The following XPO7 variants were observed in gnomAD, a reference collection of about 807,000 sequenced individuals.
The protein encoded by XPO7 is exportin-7.
Under a neutral mutation model 144.3 loss-of-function variants are expected in XPO7, and 21 were observed. The ratio of observed to expected loss-of-function variants is 0.15; its 90% CI spans 0.10 to 0.21. The LOEUF (loss-of-function observed/expected upper bound fraction) is 0.21, where lower values mean the gene tolerates loss of function less well. Ranked by LOEUF, XPO7 falls within the 10% of genes least tolerant of loss-of-function variation. The pLI, the probability that XPO7 is intolerant of heterozygous loss-of-function variation, is 1.00. For missense variants in XPO7, 808 were observed against 1,325.8 expected (o/e 0.61, Z 6.06); for synonymous variants, 580 against 499.6 (o/e 1.16, Z -2.15).
chr8:21,938,757 A>T (rs541661606), intron 1 of XPO7, among the ~76,000 whole-genome samples: 2 of 152,274 alleles, frequency 1.3e-5, no homozygotes, highest in African/African-American at 4.8e-5. Context: ...TTTAACAGTC[A>T]TAAGAATGAA....
In XPO7 at chr8:21,990,324, CCTT is replaced by C. The variant is rs1357177565; in HGVS notation, c.1869-15_1869-13del. The C allele has an allele frequency of 2.5e-6, 4 of 1,612,566 alleles. No individual in the cohort carries two copies. Among genetic ancestry groups the C allele is most frequent in the Non-Finnish European group, 2.5e-6 (3 of 1,178,724 alleles). ...TCGGCCTGCTTCACACTTTCCTTGA[CCTT>C]CTTCCTTTGTCTTCACGTACAGTAG... On this transcript the variant is annotated splice_polypyrimidine_tract_variant and intron_variant, in intron 16 of 27. Coordinates refer to ENST00000252512, the MANE Select transcript of XPO7 (RefSeq NM_015024.5).
Position 21,919,738 on chromosome 8 carries a change from G to A in XPO7, c.-33G>A, listed in dbSNP as rs1319333936. On this transcript the variant is annotated 5_prime_UTR_variant, in exon 1 of 28. Coordinates refer to ENST00000252512, the MANE Select transcript of XPO7 (RefSeq NM_015024.5). ...CGGCCGAGGTGCGCGCTGGGGGGGA[G>A]GGGGGGCCGGAGAGGAGCATGAATG... is the stretch of plus-strand genomic sequence containing the variant. 4 of 404,462 alleles carry A rather than the reference G, an allele frequency of 9.9e-6. No individual in the cohort carries two copies. The highest frequency in any genetic ancestry group is 1.1e-5 in the Non-Finnish European group (3 of 276,616). 25.1% of individuals were successfully genotyped at this position (404,462 alleles called of 1,614,324 possible).
At chr8:21,956,734 C>CTT (rs1221638524) in intron 1 of XPO7, among the ~76,000 whole-genome samples, 17 of 143,788 alleles carry the variant, frequency 1.2e-4, no homozygotes, top group African/African-American at 4.1e-4. Flanking sequence ...CTTTGAATGT[C>CTT]TTTTTTTTTT....
intron 1 of XPO7, among the ~76,000 whole-genome samples, chr8:21,931,075 C>T (rs1048858315): frequency 8.5e-5 from 13 of 152,152 alleles, no homozygotes; most frequent in African/African-American, 2.6e-4. Context: ...AACTCCTGAC[C>T]TCAAGTGATC....
At chr8:21,973,998 G>A (rs1812146301) in intron 5 of XPO7, among the ~76,000 whole-genome samples, 2 of 152,092 alleles carry the variant, frequency 1.3e-5, no homozygotes, top group African/African-American at 4.8e-5. Flanking sequence ...AGTAACTTCA[G>A]CGTTGAGGGT....
intron 24 of XPO7, among the ~76,000 whole-genome samples, chr8:22,001,255 G>A (rs936021507): frequency 2.6e-5 from 4 of 151,304 alleles, no homozygotes; most frequent in Admixed American, 1.3e-4. Flanking sequence ...GTGGTGAGCC[G>A]AGATCGTGCC....
chr8:21,970,014 A>T, intron 3 of XPO7, 130 bp from the exon 4 acceptor site: 2 of 1,035,600 alleles, frequency 1.9e-6, no homozygotes, highest in Non-Finnish European at 2.8e-6. Context: ...ATAAATAATT[A>T]AGACAGTTTG....
At chr8:21,990,051 G>A (rs964628625) in intron 16 of XPO7, among the ~76,000 whole-genome samples, 7 of 151,330 alleles carry the variant, frequency 4.6e-5, no homozygotes, top group African/African-American at 9.7e-5. Flanking sequence ...GGGTTTCACC[G>A]TGTTAGCCAG....
In XPO7 at chr8:21,972,037, G is replaced by A. The variant is rs1025823884; in HGVS notation, c.492+96G>A. ...TGTGGGATGATCTTTTTTGGCAGTT[G>A]TGTGCTTTTGCGGTAAGTGATTAAT... On this transcript the variant is annotated intron_variant, in intron 5 of 27. Transcript: ENST00000252512. 3.7e-5 allele frequency: 46 copies of A among 1,229,164 alleles called. No homozygotes were observed. The African/African-American group carries it at 6.7e-4, about 18-fold the overall frequency. The allele number at this position is 1,229,164 out of a possible 1,614,324, so 76.1% of individuals were successfully genotyped here. A position where few individuals can be genotyped will look rare whatever the true frequency, so the allele number is the denominator to read the frequency against.
At chr8:21,990,618 C>T in intron 17 of XPO7, 193 bp from the exon 18 acceptor site, 1 of 703,642 alleles carries the variant, frequency 1.4e-6, no homozygotes, top group Non-Finnish European at 2.4e-6. Context: ...TCACCTACTG[C>T]TACTCATACT....
chr8:21,952,265 C>G (rs1811398365), intron 1 of XPO7, among the ~76,000 whole-genome samples: 1 of 151,224 alleles, frequency 6.6e-6, no homozygotes, highest in African/African-American at 2.4e-5. Flanking sequence ...AGCAACAAAT[C>G]TACAATTTAG....
rs1348527390 is a variant in XPO7 at position 21,984,965 on chromosome 8, TGCACAA to T, written c.1471+128_1471+133del. On this transcript the variant is annotated intron_variant, in intron 12 of 27. Transcript: ENST00000252512. ...TCTTTCATCATCTGTTGTCTCCATA[TGCACAA>T]GAATCTTTATGAATGAATAAATCCC... 3 of 990,570 alleles carry T rather than the reference TGCACAA, an allele frequency of 3.0e-6. No homozygotes were observed. The East Asian group carries it at 7.8e-5, about 26-fold the overall frequency. The allele number at this position is 990,570 out of a possible 1,614,324, so 61.4% of individuals were successfully genotyped here.
intron 1 of XPO7, among the ~76,000 whole-genome samples, chr8:21,934,106 A>T (rs1475402506): frequency 6.6e-6 from 1 of 152,228 alleles, no homozygotes; most frequent in Admixed American, 6.5e-5. Flanking sequence ...CAAAATAGGC[A>T]TGTCCTTGCT....
At chr8:21,992,706 G>A (rs1289560598) in intron 19 of XPO7, among the ~76,000 whole-genome samples, 2 of 152,266 alleles carry the variant, frequency 1.3e-5, no homozygotes, top group East Asian at 3.9e-4. Flanking sequence ...GAGACACGAT[G>A]CCCAGTGAAT....
Position 21,999,692 on chromosome 8 carries a change from G to A in XPO7, c.2782+18G>A. ...TGCACTTGGTAAGCACCTGAGGTGG[G>A]TGGGTGAGTTGGTGGGTTTGTTTTT... is the stretch of plus-strand genomic sequence containing the variant. On this transcript the variant is annotated intron_variant, in intron 24 of 27. Transcript: ENST00000252512. The A allele has an allele frequency of 6.2e-7, 1 of 1,613,720 alleles. No individual in the cohort carries two copies. Among genetic ancestry groups the A allele is most frequent in the Non-Finnish European group, 8.5e-7 (1 of 1,179,676 alleles).
intron 1 of XPO7, among the ~76,000 whole-genome samples, chr8:21,945,206 C>T (rs1246471960): frequency 6.6e-6 from 1 of 152,208 alleles, no homozygotes; most frequent in Admixed American, 6.5e-5. Context: ...CCCCCCACCT[C>T]CCAGACGGGG....
At chr8:21,992,765 G>A (rs1413717079) in intron 19 of XPO7, among the ~76,000 whole-genome samples, 1 of 152,140 alleles carries the variant, frequency 6.6e-6, no homozygotes, top group Non-Finnish European at 1.5e-5. Context: ...TCTTAGAATT[G>A]TCATTTCTTG....
Position 21,998,790 on chromosome 8 carries a change from A to G in XPO7, c.2381A>G (p.Asn794Ser), listed in dbSNP as rs1472939237. Reference sequence around the variant, plus strand: ...CTCCAGTTTGATGTCTCTTCCCCCAATGGCATCTTACTCTTCCGAGAAACC... The same window carrying G: ...CTCCAGTTTGATGTCTCTTCCCCCAGTGGCATCTTACTCTTCCGAGAAACC... Reference protein sequence around the residue: ...QRLQFDVSSPNGILLFRETSK... With the variant: ...QRLQFDVSSPSGILLFRETSK... Residue 794 changes from asparagine to serine, a missense_variant, in exon 22 of 28, where the codon AAT becomes AGT. Physicochemically the swap from Asn to Ser is conservative, Grantham distance 46. Coordinates refer to ENST00000252512, the MANE Select transcript of XPO7 (RefSeq NM_015024.5). 1.1e-5 allele frequency: 18 copies of G among 1,613,760 alleles called. No individual in the cohort carries two copies. Among genetic ancestry groups the G allele is most frequent in the African/African-American group, 2.7e-5 (2 of 74,886 alleles).
chr8:21,932,968 T>G (rs11778097), intron 1 of XPO7, among the ~76,000 whole-genome samples: 26,781 of 152,070 alleles, frequency 0.18, 2,865 homozygotes, highest in Non-Finnish European at 0.24. Flanking sequence ...ATCAAAGGTG[T>G]GTTTCTACGG....
Sources: gnomAD v4.1 joint callset for allele counts (sites outside exome capture counted in the v4.1 genomes callset) on GRCh38, gnomAD v4.1.1 for gene constraint, MANE v1.5 for transcripts, NCBI Gene and HGNC (gene_info 2026-07-23, HGNC 2026-07-21) for gene names.